RFX3: variants seen among roughly 807,000 people sequenced by gnomAD.
RFX3 encodes the protein regulatory factor X3.
Under a neutral mutation model 98.6 loss-of-function variants are expected in RFX3, and 14 were observed. The observed-to-expected ratio is 0.14, with a 90% CI of 0.09 to 0.22. The LOEUF (loss-of-function observed/expected upper bound fraction) is 0.22, where lower values mean the gene tolerates loss of function less well. Ranked by LOEUF, RFX3 falls within the 10% of genes least tolerant of loss-of-function variation. RFX3 has a pLI of 1.00. For synonymous variants in RFX3, 383 were observed against 328.4 expected, an observed-to-expected ratio of 1.17 and a Z score of -1.80; for missense variants, 639 against 926.9, an observed-to-expected ratio of 0.69 and a Z score of 4.03.
intron 3 of RFX3, 80 bp downstream of exon 3, chr9:3,346,587 G>A: frequency 1.2e-6 from 1 of 852,052 alleles, no homozygotes; most frequent in African/African-American, 1.7e-5. Flanking sequence ...GAAACAATCT[G>A]GGAATAGTGG....
intron 1 of RFX3, among the ~76,000 whole-genome samples, chr9:3,412,202 A>G (rs1031734500): frequency 6.6e-6 from 1 of 152,186 alleles, no homozygotes; most frequent in Non-Finnish European, 1.5e-5. Context: ...CTAAAGGTCA[A>G]CACTAATCAT....
chr9:3,382,181 G>A (rs1446961101), intron 2 of RFX3, among the ~76,000 whole-genome samples: 2 of 152,102 alleles, frequency 1.3e-5, no homozygotes, highest in Non-Finnish European at 2.9e-5. Flanking sequence ...ACAGGCACAT[G>A]CCACCACACT....
chr9:3,411,606 G>A (rs1842473026), intron 1 of RFX3, among the ~76,000 whole-genome samples: 1 of 151,508 alleles, frequency 6.6e-6, no homozygotes, highest in Non-Finnish European at 1.5e-5. Context: ...CTCCCGAGTA[G>A]CTGGGATTAT....
At chr9:3,248,559 G>A (rs1820979805) in intron 14 of RFX3, among the ~76,000 whole-genome samples, 1 of 152,190 alleles carries the variant, frequency 6.6e-6, no homozygotes, top group East Asian at 1.9e-4. Context: ...AAATCCTATT[G>A]ATGAAGGTTG....
chr9:3,340,911 C>T (rs916709212), intron 3 of RFX3, among the ~76,000 whole-genome samples: 31 of 152,164 alleles, frequency 2.0e-4, no homozygotes, highest in African/African-American at 7.5e-4. Context: ...TGGGTACATA[C>T]CCAAAGGATT....
At chr9:3,460,886 C>A (rs1489928185) in intron 1 of RFX3, among the ~76,000 whole-genome samples, 1 of 151,836 alleles carries the variant, frequency 6.6e-6, no homozygotes, top group Non-Finnish European at 1.5e-5. Context: ...ATTTTTATTA[C>A]ATATGTAACA....
intron 2 of RFX3, among the ~76,000 whole-genome samples, chr9:3,382,772 G>C (rs1265243345): frequency 2.0e-5 from 3 of 152,068 alleles, no homozygotes; most frequent in East Asian, 1.9e-4. Context: ...TTCAGGACAA[G>C]AGTTGATAGG....
chr9:3,454,581 C>G (rs568447139), intron 1 of RFX3, among the ~76,000 whole-genome samples: 1 of 152,100 alleles, frequency 6.6e-6, no homozygotes, highest in Non-Finnish European at 1.5e-5. Context: ...TTAGTAAATG[C>G]TCCAAAGCAA....
intron 1 of RFX3, among the ~76,000 whole-genome samples, chr9:3,465,118 C>T (rs1343063745): frequency 6.6e-6 from 1 of 152,086 alleles, no homozygotes; most frequent in Admixed American, 6.6e-5. Context: ...GCAGGTCATT[C>T]TTTTCCAGAG....
At chr9:3,245,665 C>A (rs1382788320) in intron 15 of RFX3, among the ~76,000 whole-genome samples, 1 of 152,124 alleles carries the variant, frequency 6.6e-6, no homozygotes, top group Non-Finnish European at 1.5e-5. Flanking sequence ...GAGAAAGAGC[C>A]ATTAGTTGAT....
intron 1 of RFX3, among the ~76,000 whole-genome samples, chr9:3,442,277 A>G (rs545472270): frequency 2.6e-5 from 4 of 152,196 alleles, no homozygotes; most frequent in African/African-American, 9.7e-5. Context: ...AAGGTTAAGC[A>G]ACATCAATGA....
chr9:3,435,216 ATTC>A (rs1460748363), intron 1 of RFX3, among the ~76,000 whole-genome samples: 1 of 152,018 alleles, frequency 6.6e-6, no homozygotes, highest in Non-Finnish European at 1.5e-5. Context: ...ATAAATTTTC[ATTC>A]TTTAGTAATA....
chr9:3,318,222 G>C (rs1216050012), intron 4 of RFX3, among the ~76,000 whole-genome samples: 1 of 152,164 alleles, frequency 6.6e-6, no homozygotes, highest in Non-Finnish European at 1.5e-5. Flanking sequence ...GTCCTTTGTA[G>C]AGACATGGAT....
chr9:3,349,708 G>C lies in RFX3; in HGVS notation c.118-2944C>G, dbSNP rs376787710. ...TGAATGTGTATAGAAGTGCCCACGTGTGAATACATACACACCTCATTCTAA... is the reference window on the plus strand; with the variant it reads ...TGAATGTGTATAGAAGTGCCCACGTCTGAATACATACACACCTCATTCTAA... On this transcript the variant is annotated intron_variant, in intron 2 of 16. Transcript: ENST00000617270. Among the ~76,000 whole-genome samples the C allele has an allele frequency of 4.4e-4, 67 of 152,078 alleles. 2 individuals carry two copies. In the South Asian group the frequency reaches 0.013, roughly 30 times the overall value.
At chr9:3,309,389 G>A (rs1829709427) in intron 4 of RFX3, among the ~76,000 whole-genome samples, 1 of 152,096 alleles carries the variant, frequency 6.6e-6, no homozygotes, top group Non-Finnish European at 1.5e-5. Context: ...TAAATCCGTG[G>A]CCTAAAACTC....
At chr9:3,481,329 C>A (rs1180058798) in intron 1 of RFX3, among the ~76,000 whole-genome samples, 3 of 152,028 alleles carry the variant, frequency 2.0e-5, no homozygotes, top group Admixed American at 1.3e-4. Context: ...GGCTTTAATG[C>A]AACGTTGTTC....
intron 4 of RFX3, among the ~76,000 whole-genome samples, chr9:3,304,050 A>G (rs1449338983): frequency 6.6e-6 from 1 of 152,016 alleles, no homozygotes; most frequent in Non-Finnish European, 1.5e-5. Context: ...GAGTTCTTCT[A>G]CAAGGAAGAC....
Position 3,224,805 on chromosome 9 carries a change from T to C in RFX3, c.*237A>G. ...TTGACATTAAGTGTTGTAAAAATCC[T>C]TCTTGACACCTGAAACTAAGGGAAA... On this transcript the variant is annotated 3_prime_UTR_variant, in exon 17 of 17. Coordinates refer to ENST00000617270, the MANE Select transcript of RFX3 (RefSeq NM_001282116.2). The C allele has an allele frequency of 7.4e-6, 3 of 404,714 alleles. No homozygotes were observed. Among genetic ancestry groups the C allele is most frequent in the Non-Finnish European group, 1.3e-5 (3 of 228,350 alleles). The allele number at this position is 404,714 out of a possible 1,614,324, so 25.1% of individuals were successfully genotyped here.
rs549302537 is a variant in RFX3 at position 3,276,386 on chromosome 9, G to C, written c.974-774C>G. On this transcript the variant is annotated intron_variant, in intron 8 of 16. Transcript: ENST00000617270. ...CTGGACAATTAATGTAAGACATTTT[G>C]GTGCCTGTCTTACCATAAATCCAGG... is the stretch of plus-strand genomic sequence containing the variant. 4.6e-5 allele frequency among the ~76,000 whole-genome samples: 7 copies of C among 152,132 alleles called. 1 individual carries two copies. In the South Asian group the frequency reaches 1.4e-3, roughly 31 times the overall value.
Sources: gnomAD v4.1 joint callset for allele counts (sites outside exome capture counted in the v4.1 genomes callset) on GRCh38, gnomAD v4.1.1 for gene constraint, MANE v1.5 for transcripts, NCBI Gene and HGNC (gene_info 2026-07-23, HGNC 2026-07-21) for gene names.